Variants in GRIK4 observed in about 807,000 individuals in gnomAD.
The protein encoded by GRIK4 is glutamate receptor ionotropic, kainate 4.
In GRIK4, 40 loss-of-function variants were observed where a neutral mutation model predicts 104.9. That is an observed-to-expected ratio of 0.38 (90% CI 0.30 to 0.50). GRIK4 has a LOEUF of 0.50. Among genes scored for constraint, GRIK4 ranks in the 20% least tolerant of loss-of-function variants. The probability of loss-of-function intolerance (pLI) is 0.93; values close to 1 mark genes in which losing one functional copy is unlikely to be tolerated. For missense variants in GRIK4, 1,047 were observed against 1,308.1 expected, an observed-to-expected ratio of 0.80 and a Z score of 3.08; for synonymous variants, 485 against 524.9, an observed-to-expected ratio of 0.92 and a Z score of 1.04.
intron 3 of GRIK4, among the ~76,000 whole-genome samples, chr11:120,696,853 C>G (rs1950457952): frequency 6.6e-6 from 1 of 152,176 alleles, no homozygotes; most frequent in Non-Finnish European, 1.5e-5. Context: ...CTTCCTAACT[C>G]TTAGGCTGTC....
chr11:120,818,873 G>A (rs11218014), intron 5 of GRIK4, among the ~76,000 whole-genome samples: 7,636 of 152,268 alleles, frequency 0.05, 211 homozygotes, highest in Non-Finnish European at 0.071. Flanking sequence ...GCTTCAGCTC[G>A]CTCAGCTCTG....
At position 120,982,161 on chromosome 11, in the gene GRIK4, C is replaced by G. The variant is rs751858055; in HGVS notation, c.2451C>G (p.Ile817Met). Reference sequence around the variant, plus strand: ...TTGTGGTTCTTATTTGTGGCTTAATCGTGGCCATTTTTATGGCTATGTTGG... The same window carrying G: ...TTGTGGTTCTTATTTGTGGCTTAATGGTGGCCATTTTTATGGCTATGTTGG... Reference protein sequence around the residue: ...GIFVVLICGLIVAIFMAMLEF... With the variant: ...GIFVVLICGLMVAIFMAMLEF... The change falls in exon 20 of 21, where the codon ATC becomes ATG. Residue 817 changes from isoleucine (I) to methionine (M), a missense_variant. Around this residue, in one of 3 missense-constraint regions of GRIK4, gnomAD observed 440 missense variants for 652.3 expected, o/e 0.67. Transcript: ENST00000527524. 12 of 1,613,448 alleles carry G rather than the reference C, an allele frequency of 7.4e-6. No individual in the cohort carries two copies. The highest frequency in any genetic ancestry group is 9.3e-6 in the Non-Finnish European group (11 of 1,179,412).
At chr11:120,609,516 CTTTTTTTTTTTTTTTTT>C (rs58736481) in intron 1 of GRIK4, among the ~76,000 whole-genome samples, 4 of 57,130 alleles carry the variant, frequency 7.0e-5, no homozygotes, top group Admixed American at 2.9e-4. Flanking sequence ...TTTGCAGTTG[CTTTTTTTTTTTTTTTTT>C]TTTTTTTTTT....
At chr11:120,669,961 A>G (rs1202325367) in intron 3 of GRIK4, among the ~76,000 whole-genome samples, 2 of 152,202 alleles carry the variant, frequency 1.3e-5, no homozygotes, top group Non-Finnish European at 2.9e-5. Flanking sequence ...GCCATGTCCA[A>G]AATCGAGTTA....
intron 3 of GRIK4, among the ~76,000 whole-genome samples, chr11:120,796,520 G>T (rs116668422): frequency 0.01 from 1,535 of 152,240 alleles, 36 homozygotes; most frequent in African/African-American, 0.034. Flanking sequence ...GAAATCCAAG[G>T]AGAAAGAGAG....
chr11:120,541,189 C>T (rs938053105), intron 1 of GRIK4, among the ~76,000 whole-genome samples: 1 of 152,254 alleles, frequency 6.6e-6, no homozygotes, highest in East Asian at 1.9e-4. Context: ...TGCTGAACTC[C>T]TGCTCATCCT....
rs1208144261 is a variant in GRIK4, at chr11:120,820,007, C to T, written c.511+87C>T. The T allele has an allele frequency of 6.1e-6, 8 of 1,319,050 alleles. No individual in the cohort carries two copies. The African/African-American group carries it at 1.2e-4, about 19-fold the overall frequency. 81.7% of individuals were successfully genotyped at this position (1,319,050 alleles called of 1,614,324 possible). A position where few individuals can be genotyped will look rare whatever the true frequency, so the allele number is the denominator to read the frequency against. On this transcript the variant is annotated intron_variant, in intron 6 of 20. Coordinates refer to ENST00000527524, the MANE Select transcript of GRIK4 (RefSeq NM_014619.5). ...CCCTGTGCCCCTGGCTGGAGACCCT[C>T]CAGGAAGGGGAGGCTTCCTTCAGAT...
At chr11:120,646,089 T>A (rs776297983) in intron 1 of GRIK4, among the ~76,000 whole-genome samples, 1 of 152,226 alleles carries the variant, frequency 6.6e-6, no homozygotes, top group Non-Finnish European at 1.5e-5. Flanking sequence ...ATCCATTGGC[T>A]GTCACAAAGT....
At chr11:120,861,197 C>A (rs1222435359) in intron 8 of GRIK4, among the ~76,000 whole-genome samples, 1 of 149,566 alleles carries the variant, frequency 6.7e-6, no homozygotes, top group Non-Finnish European at 1.5e-5. Flanking sequence ...CAACCTCCGC[C>A]TCCTGGGTTC....
chr11:120,645,579 A>G (rs17124128), intron 1 of GRIK4, among the ~76,000 whole-genome samples: 8,421 of 152,180 alleles, frequency 0.055, 770 homozygotes, highest in African/African-American at 0.19. Flanking sequence ...TGGGACTTCA[A>G]TGCCAGAAAT....
chr11:120,537,336 GCGGAAACTCAGAGA>G (rs1947988026), intron 1 of GRIK4, among the ~76,000 whole-genome samples: 1 of 152,156 alleles, frequency 6.6e-6, no homozygotes, highest in Non-Finnish European at 1.5e-5. Flanking sequence ...GTGGTCAGAG[GCGGAAACTCAGAGA>G]CGGAGATATT....
chr11:120,573,417 G>C (rs1948429334), intron 1 of GRIK4, among the ~76,000 whole-genome samples: 2 of 152,116 alleles, frequency 1.3e-5, no homozygotes, highest in South Asian at 4.1e-4. Flanking sequence ...CCATAATGAG[G>C]AGTCAGTCTG....
chr11:120,635,741 C>T (rs1231516864), intron 1 of GRIK4, among the ~76,000 whole-genome samples: 1 of 152,058 alleles, frequency 6.6e-6, no homozygotes, highest in African/African-American at 2.4e-5. Flanking sequence ...ATAAGCATGC[C>T]CTGTGGTTGC....
At chr11:120,845,006 G>T (rs1953816380) in intron 8 of GRIK4, among the ~76,000 whole-genome samples, 1 of 152,134 alleles carries the variant, frequency 6.6e-6, no homozygotes, top group African/African-American at 2.4e-5. Context: ...GGTCAGCCTT[G>T]ATCATGTGGT....
intron 8 of GRIK4, among the ~76,000 whole-genome samples, chr11:120,857,733 G>A: frequency 6.6e-6 from 1 of 152,182 alleles, no homozygotes; most frequent in East Asian, 1.9e-4. Flanking sequence ...GCATTAAGAT[G>A]TCTTCAATCA....
rs776440015 is a variant in GRIK4 at position 120,889,588 on chromosome 11, C to CTTTTTT, written c.1165-8944_1165-8943insTTTTTT. Reference sequence around the variant, plus strand: ...AATAGAATAAAATAGAAAGAGCTTACATTTTTTTTTTTTTTTTTTTTTTTT... The same window carrying CTTTTTT: ...AATAGAATAAAATAGAAAGAGCTTACTTTTTTATTTTTTTTTTTTTTTTTTTTTTTT... On this transcript the variant is annotated intron_variant, in intron 11 of 20. Coordinates refer to ENST00000527524, the MANE Select transcript of GRIK4 (RefSeq NM_014619.5). Among the ~76,000 whole-genome samples the CTTTTTT allele has an allele frequency of 6.7e-4, 45 of 67,140 alleles. 5 individuals carry two copies. The highest frequency in any genetic ancestry group is 1.1e-3 in the East Asian group (2 of 1,750). 44.0% of individuals were successfully genotyped at this position (67,140 alleles called of 152,430 possible).
At chr11:120,884,541 G>A (rs892692134) in intron 11 of GRIK4, among the ~76,000 whole-genome samples, 1 of 152,200 alleles carries the variant, frequency 6.6e-6, no homozygotes, top group African/African-American at 2.4e-5. Context: ...CCTCCCCACA[G>A]CCTCTCCCTC....
chr11:120,923,404 ATTTTTTTTTTT>A (rs775194642), intron 13 of GRIK4, among the ~76,000 whole-genome samples: 2 of 81,646 alleles, frequency 2.4e-5, no homozygotes, highest in Non-Finnish European at 4.4e-5. Context: ...CCATTTGCTC[ATTTTTTTTTTT>A]TTTTTTTTTT....
intron 9 of GRIK4, among the ~76,000 whole-genome samples, chr11:120,864,135 A>G (rs1291746080): frequency 1.3e-5 from 2 of 152,180 alleles, no homozygotes; most frequent in African/African-American, 4.8e-5. Flanking sequence ...CTCAACCCCT[A>G]GCAGCAATGC....
Sources: gnomAD v4.1 joint callset for allele counts (sites outside exome capture counted in the v4.1 genomes callset) on GRCh38, gnomAD v4.1.1 for gene constraint, gnomAD v4.1.1 regional missense constraint, MANE v1.5 for transcripts, NCBI Gene and HGNC (gene_info 2026-07-23, HGNC 2026-07-21) for gene names.